Variants in DNM2 observed in about 807,000 individuals in gnomAD.
The protein encoded by DNM2 is dynamin 2.
Under a neutral mutation model 99.0 loss-of-function variants are expected in DNM2, and 15 were observed. The ratio of observed to expected loss-of-function variants is 0.15; its 90% confidence interval spans 0.10 to 0.23. The LOEUF is 0.23. Among genes scored for constraint, DNM2 ranks in the 10% least tolerant of loss-of-function variants. DNM2 has a pLI of 1.00. For missense variants in DNM2, 742 were observed against 1,189.4 expected (o/e 0.62, Z 5.53); for synonymous variants, 525 against 481.2 (o/e 1.09, Z -1.19).
intron 1 of DNM2, among the ~76,000 whole-genome samples, chr19:10,754,487 A>G (rs2145828540): frequency 6.6e-6 from 1 of 152,118 alleles, no homozygotes; most frequent in East Asian, 1.9e-4. Flanking sequence ...TGCTGACCTC[A>G]TAATCTGCCC....
chr19:10,769,351 G>C (rs2070902271), intron 2 of DNM2: 1 of 152,338 alleles, frequency 6.6e-6, no homozygotes, highest in Non-Finnish European at 1.5e-5. Context: ...ACAATCCAAA[G>C]TGAGCTGGCT....
intron 5 of DNM2, among the ~76,000 whole-genome samples, chr19:10,778,766 C>G (rs188348411): frequency 3.3e-5 from 5 of 152,118 alleles, no homozygotes; most frequent in Non-Finnish European, 7.4e-5. Context: ...CTATACCATT[C>G]ATTTGTGGAA....
At chr19:10,767,943 T>A (rs890696430) in intron 2 of DNM2, among the ~76,000 whole-genome samples, 2 of 151,956 alleles carry the variant, frequency 1.3e-5, no homozygotes, top group African/African-American at 4.8e-5. Flanking sequence ...GACCTGGCAT[T>A]CAGCATTTAC....
At chr19:10,752,477 G>A (rs896669903) in intron 1 of DNM2, among the ~76,000 whole-genome samples, 2 of 152,214 alleles carry the variant, frequency 1.3e-5, no homozygotes, top group African/African-American at 2.4e-5. Context: ...AGTGCCTGGC[G>A]CCTCAGACAC....
intron 1 of DNM2, among the ~76,000 whole-genome samples, chr19:10,756,336 C>G (rs1173871022): frequency 6.6e-6 from 1 of 152,066 alleles, no homozygotes; most frequent in African/African-American, 2.4e-5. Flanking sequence ...CTCGCACCCA[C>G]CCCCGTCAGA....
At position 10,772,451 on chromosome 19, in the gene DNM2, A is replaced by C. The variant is rs753571975; in HGVS notation, c.236-28A>C. The C allele has an allele frequency of 2.5e-5, 40 of 1,613,236 alleles. No homozygotes were observed. The highest frequency in any genetic ancestry group is 1.7e-5 in the Admixed American group (1 of 59,970). ...CGCACCCTGCCCACAGCTCTTTCTC[A>C]TTTTCAGCATCTCTCTTCCCTTTCT... On this transcript the variant is annotated intron_variant, in intron 2 of 20. Transcript: ENST00000389253. This position sits in a 1 kb window ranked among gnomAD's most constrained non-coding sequence, Gnocchi z 4.9.
intron 2 of DNM2, among the ~76,000 whole-genome samples, chr19:10,771,623 G>A (rs1017251415): frequency 5.9e-5 from 9 of 152,090 alleles, no homozygotes; most frequent in African/African-American, 2.2e-4. Flanking sequence ...TGTGCTGGTG[G>A]ACCATGAATC....
intron 6 of DNM2, 195 bp from the exon 7 acceptor site, chr19:10,786,369 G>A (rs1465991623): frequency 1.1e-6 from 1 of 889,678 alleles, no homozygotes; most frequent in Non-Finnish European, 1.8e-6. Context: ...CTCATGGGCA[G>A]CTCCGTGCCG....
In DNM2 at chr19:10,802,237, C is replaced by G. The variant is rs536903134; in HGVS notation, c.1423-51C>G. 3.8e-6 allele frequency: 6 copies of G among 1,598,312 alleles called. No individual in the cohort carries two copies. The East Asian group carries it at 6.7e-5, about 18-fold the overall frequency. On this transcript the variant is annotated intron_variant, in intron 11 of 20. Transcript: ENST00000389253. ...CCAGGAAATGCTCTTGCCGCTGCCC[C>G]CCCTTGCCAGGCTTGGCCTTGTACT...
In DNM2 at chr19:10,796,379, G is replaced by A. The variant is rs1047385997; in HGVS notation, c.1196+940G>A. 7.2e-5 allele frequency among the ~76,000 whole-genome samples: 11 copies of A among 152,128 alleles called. No individual in the cohort carries two copies. The highest frequency in any genetic ancestry group is 2.7e-4 in the African/African-American group (11 of 41,436). ...GCAGGAGCATGTAGGCCTGGGCCCA[G>A]GCACACAGGGGAGTGCCAGGCCTCC... is the stretch of plus-strand genomic sequence containing the variant. On this transcript the variant is annotated intron_variant, in intron 9 of 20. Coordinates refer to ENST00000389253, the MANE Select transcript of DNM2 (RefSeq NM_001005361.3). The surrounding 1 kb of genome is among the most constrained non-coding windows in gnomAD (Gnocchi z 5.6).
rs2071433383 is a variant in DNM2, at chr19:10,783,127, C to T, written c.849+7C>T. On this transcript the variant is annotated splice_region_variant and intron_variant, in intron 6 of 20. Transcript: ENST00000389253. ...GCAGAAGACGCTGAATCAGGTACTG[C>T]AAGGGTTTGCACGTAGTGTGCAGTG... The T allele has an allele frequency of 6.2e-7, 1 of 1,609,168 alleles. No homozygotes were observed. Among genetic ancestry groups the T allele is most frequent in the Non-Finnish European group, 8.5e-7 (1 of 1,180,022 alleles).
At chr19:10,808,149 A>T (rs2072417681) in intron 13 of DNM2, among the ~76,000 whole-genome samples, 1 of 151,642 alleles carries the variant, frequency 6.6e-6, no homozygotes, top group Non-Finnish European at 1.5e-5. Context: ...TATCAGGAAA[A>T]AAAAAAAGAA....
chr19:10,798,132 C>A (rs1023308878), intron 10 of DNM2, among the ~76,000 whole-genome samples: 4 of 152,198 alleles, frequency 2.6e-5, no homozygotes, highest in Non-Finnish European at 5.9e-5. Flanking sequence ...GCTGGCGAGG[C>A]CCTTCAGGGT....
chr19:10,722,644 G>A (rs1290265748), intron 1 of DNM2, among the ~76,000 whole-genome samples: 1 of 151,300 alleles, frequency 6.6e-6, no homozygotes, highest in Non-Finnish European at 1.5e-5. Flanking sequence ...CGCCTGGCCT[G>A]AGATAGGGTC....
chr19:10,719,487 C>T (rs923620647), intron 1 of DNM2, among the ~76,000 whole-genome samples: 1 of 152,098 alleles, frequency 6.6e-6, no homozygotes, highest in African/African-American at 2.4e-5. Flanking sequence ...TGAGAAGCCG[C>T]GGTGTGCCCA....
intron 1 of DNM2, among the ~76,000 whole-genome samples, chr19:10,757,857 A>G (rs2070448773): frequency 6.6e-6 from 1 of 150,884 alleles, no homozygotes; most frequent in African/African-American, 2.4e-5. Context: ...AGGCAGGAGA[A>G]TCGCTTGAAC....
In DNM2 at chr19:10,816,960, G is replaced by A. The variant is rs1473792547; in HGVS notation, c.1672-3020G>A. On this transcript the variant is annotated intron_variant, in intron 15 of 20. Transcript: ENST00000389253. This position sits in a 1 kb window ranked among gnomAD's most constrained non-coding sequence, Gnocchi z 4.6. ...GTGGGAGAAGGGCCGGGCGCCGGCC[G>A]TAATGAGAAACAGCCGACCTGTGAA... is the stretch of plus-strand genomic sequence containing the variant. Among the ~76,000 whole-genome samples, 1 of 152,136 alleles carries A rather than the reference G, an allele frequency of 6.6e-6. No homozygotes were observed. The highest frequency in any genetic ancestry group is 6.5e-5 in the Admixed American group (1 of 15,282).
intron 15 of DNM2, among the ~76,000 whole-genome samples, chr19:10,814,520 C>T (rs913846272): frequency 6.6e-6 from 1 of 152,112 alleles, no homozygotes; most frequent in African/African-American, 2.4e-5. Context: ...CTGCAGTCAC[C>T]CTACTCTTCT....
intron 5 of DNM2, among the ~76,000 whole-genome samples, chr19:10,777,874 C>CATGA (rs2071206897): frequency 6.6e-6 from 1 of 151,178 alleles, no homozygotes; most frequent in Admixed American, 6.6e-5. Flanking sequence ...GGATTACAGC[C>CATGA]ATGAGCCACC....
Sources: allele counts gnomAD v4.1 joint callset (sites outside exome capture counted in the v4.1 genomes callset), GRCh38; gene constraint gnomAD v4.1.1; non-coding constraint Gnocchi (gnomAD v3.1); transcripts MANE v1.5; gene names NCBI Gene and HGNC (gene_info 2026-07-23, HGNC 2026-07-21).